Variants in MCRIP1 observed in about 807,000 individuals in gnomAD.
MCRIP1 encodes MAPK regulated corepressor interacting protein 1, also known as mapk-regulated corepressor-interacting protein 1.
MCRIP1 carries 10 observed loss-of-function variants against 14.4 expected under a neutral mutation model. That is an observed-to-expected ratio of 0.70 (90% CI 0.43 to 1.18). MCRIP1 has a LOEUF of 1.18. Among genes scored for constraint, MCRIP1 ranks in the 50% most tolerant of loss-of-function variants. MCRIP1 has a pLI of 0.00. For missense variants in MCRIP1, 119 were observed against 135.4 expected (o/e 0.88, Z 0.60); for synonymous variants, 53 against 55.7 (o/e 0.95, Z 0.21).
intron 1 of MCRIP1, chr17:81,826,255 A>G (rs900348427): frequency 1.3e-6 from 2 of 1,530,754 alleles, no homozygotes; most frequent in Admixed American, 3.9e-5. Context: ...ACACCTGCCC[A>G]CACATACCTA....
At chr17:81,826,744 G>A (rs1485421750) in intron 1 of MCRIP1, 5 of 229,002 alleles carry the variant, frequency 2.2e-5, no homozygotes, top group Admixed American at 5.1e-5. Flanking sequence ...GCTTGAACCC[G>A]GGAGGTGGAG....
Position 81,824,800 on chromosome 17 carries a change from C to A in MCRIP1, c.-48-246G>T. On this transcript the variant is annotated intron_variant, in intron 1 of 4. Coordinates refer to ENST00000455127, the MANE Select transcript of MCRIP1 (RefSeq NM_207368.5). ...AGACACACACACAACTTGAAGCGAT[C>A]AAGCCCGCTCAGCGGCCTTGATCCT... 4 of 1,386,832 alleles carry A rather than the reference C, an allele frequency of 2.9e-6. No homozygotes were observed. The South Asian group carries it at 6.8e-5, about 24-fold the overall frequency. 85.9% of individuals were successfully genotyped at this position (1,386,832 alleles called of 1,614,324 possible). A position where few individuals can be genotyped will look rare whatever the true frequency, so the allele number is the denominator to read the frequency against.
In MCRIP1 at chr17:81,824,487, C is replaced by A. The variant is rs1168533954; in HGVS notation, c.8+12G>T. The A allele has an allele frequency of 6.5e-7, 1 of 1,536,098 alleles. No individual in the cohort carries two copies. The highest frequency in any genetic ancestry group is 1.4e-5 in the African/African-American group (1 of 73,034). ...GCCCCGGTGGAGACCAGCCCACCTG[C>A]CTGAGACCCACCTGGTCATCGCGGG... On this transcript the variant is annotated intron_variant, in intron 2 of 4. Coordinates refer to ENST00000455127, the MANE Select transcript of MCRIP1 (RefSeq NM_207368.5).
chr17:81,825,453 T>C, intron 1 of MCRIP1: 1 of 1,194,540 alleles, frequency 8.4e-7, no homozygotes, highest in South Asian at 1.5e-5. Context: ...AGTCCCAGGA[T>C]TCCCAGGAGG....
rs553319339 is a variant in MCRIP1 at position 81,828,006 on chromosome 17, T to A, written c.-48-3452A>T. On this transcript the variant is annotated intron_variant, in intron 1 of 4. Transcript: ENST00000455127. ...TGTGTTAGTCAGGATGGTCTCGATC[T>A]CCTGACCTCGTGATCCATCTGCTTC... is the stretch of plus-strand genomic sequence containing the variant. 2.0e-5 allele frequency among the ~76,000 whole-genome samples: 3 copies of A among 152,098 alleles called. No individual in the cohort carries two copies. The South Asian group carries it at 6.2e-4, about 32-fold the overall frequency.
Position 81,823,471 on chromosome 17 carries a change from C to A in MCRIP1, c.170G>T (p.Gly57Val). 1 of 1,536,654 alleles carries A rather than the reference C, an allele frequency of 6.5e-7. No individual in the cohort carries two copies. The highest frequency in any genetic ancestry group is 8.7e-7 in the Non-Finnish European group (1 of 1,146,786). ...CTCCTCCACCAGGCCCCGCTCGCCA[C>A]CCGGCACCTGGCCTCGCAGGTCTCG... ...VERDLRGQVP[G>V]GERGLVEEYV... Residue 57 changes from glycine (G) to valine (V), a missense_variant, in exon 4 of 5, where the codon GGT (glycine) becomes GTT (valine). Physicochemically the swap from Gly to Val is moderately radical, Grantham distance 109. Transcript: ENST00000455127. The surrounding 1 kb of genome is among the most constrained non-coding windows in gnomAD (Gnocchi z 6.0).
rs1180289618 is a variant in MCRIP1 at position 81,822,758 on chromosome 17, G to A, written c.*489C>T. Reference sequence around the variant, plus strand: ...TGTGAGAAGCTCCCCAGCGTGTCCAGGCCACGGGAGCAGCAAGGGTCTGCG... The same window carrying A: ...TGTGAGAAGCTCCCCAGCGTGTCCAAGCCACGGGAGCAGCAAGGGTCTGCG... On this transcript the variant is annotated 3_prime_UTR_variant, in exon 5 of 5. Coordinates refer to ENST00000455127, the MANE Select transcript of MCRIP1 (RefSeq NM_207368.5). The A allele has an allele frequency of 5.2e-6, 1 of 191,758 alleles. No homozygotes were observed. Among genetic ancestry groups the A allele is most frequent in the Non-Finnish European group, 1.1e-5 (1 of 91,930 alleles). 11.9% of individuals were successfully genotyped at this position (191,758 alleles called of 1,614,324 possible).
At chr17:81,827,736 T>A (rs924488979) in intron 1 of MCRIP1, among the ~76,000 whole-genome samples, 4 of 151,132 alleles carry the variant, frequency 2.6e-5, no homozygotes, top group African/African-American at 9.7e-5. Context: ...TAAATAAATT[T>A]AAAACCCCAT....
intron 1 of MCRIP1, chr17:81,825,229 C>G (rs957800841): frequency 9.2e-7 from 1 of 1,086,658 alleles, no homozygotes; most frequent in African/African-American, 1.7e-5. Flanking sequence ...GACCAAGACC[C>G]TGGGCTGCCG....
In MCRIP1 at chr17:81,823,927, T is replaced by A. The variant is rs2038328055; in HGVS notation, c.127+360A>T. 1 of 512,960 alleles carries A rather than the reference T, an allele frequency of 1.9e-6. No individual in the cohort carries two copies. The highest frequency in any genetic ancestry group is 3.8e-5 in the Admixed American group (1 of 26,422). 31.8% of individuals were successfully genotyped at this position (512,960 alleles called of 1,614,324 possible). ...CTTCTGCAACACGCCCGTTCATGGC[T>A]GGATGCGTGCCTGTCTGTCTTCAAA... On this transcript the variant is annotated intron_variant, in intron 3 of 4. Transcript: ENST00000455127. The surrounding 1 kb of genome is among the most constrained non-coding windows in gnomAD (Gnocchi z 6.0).
Position 81,823,594 on chromosome 17 carries a change from C to T in MCRIP1, c.128-81G>A. Reference sequence around the variant, plus strand: ...ACGTCACGAGAGTGCCTGCCCTCAGCTCCTGCCCTCCCAGATCCTCTTCTC... The same window carrying T: ...ACGTCACGAGAGTGCCTGCCCTCAGTTCCTGCCCTCCCAGATCCTCTTCTC... On this transcript the variant is annotated intron_variant, in intron 3 of 4. Transcript: ENST00000455127. The surrounding 1 kb of genome is among the most constrained non-coding windows in gnomAD (Gnocchi z 6.0). 1 of 1,135,706 alleles carries T rather than the reference C, an allele frequency of 8.8e-7. No individual in the cohort carries two copies. Among genetic ancestry groups the T allele is most frequent in the Non-Finnish European group, 1.3e-6 (1 of 789,864 alleles). 70.4% of individuals were successfully genotyped at this position (1,135,706 alleles called of 1,614,324 possible). A position where few individuals can be genotyped will look rare whatever the true frequency, so the allele number is the denominator to read the frequency against.
At chr17:81,824,774 C>T in intron 1 of MCRIP1, 2 of 1,419,026 alleles carry the variant, frequency 1.4e-6, no homozygotes, top group African/African-American at 1.4e-5. Flanking sequence ...CCAGACGAGC[C>T]AGACACACAC....
In MCRIP1 at chr17:81,824,338, T is replaced by C. The variant is rs753411041; in HGVS notation, c.76A>G (p.Ser26Gly). The stretch of plus-strand genomic sequence containing the variant: ...TCGTGGGCTGGGGTGAAGATCTCGC[T>C]GCTGCTGGGTGGGGAGCGGGGGCTG... ...TSSPRSPPSS[S>G]EIFTPAHEEN... The change falls in exon 3 of 5, where the codon AGC (serine) becomes GGC (glycine). Residue 26 changes from serine to glycine, a missense_variant. Physicochemically the swap from Ser to Gly is moderately conservative, Grantham distance 56 (BLOSUM62 0). Transcript: ENST00000455127. The C allele has an allele frequency of 2.1e-5, 32 of 1,535,552 alleles. No homozygotes were observed. Among genetic ancestry groups the C allele is most frequent in the African/African-American group, 5.5e-5 (4 of 72,864 alleles).
At chr17:81,832,050 C>T (rs772695440) in intron 1 of MCRIP1, among the ~76,000 whole-genome samples, 2 of 152,186 alleles carry the variant, frequency 1.3e-5, no homozygotes, top group African/African-American at 2.4e-5. Flanking sequence ...AAGAACAGGC[C>T]ATGAGGTAAC....
rs2038312812 is a variant in MCRIP1, at chr17:81,823,348, C to T, written c.230-37G>A. 2 of 1,536,540 alleles carry T rather than the reference C, an allele frequency of 1.3e-6. No homozygotes were observed. Among genetic ancestry groups the T allele is most frequent in the Non-Finnish European group, 8.7e-7 (1 of 1,146,534 alleles). ...CAACGCGGTAGGTGGTGGGCACAGG[C>T]CCCTCCTGCCCATGAGGCCCGGCCT... On this transcript the variant is annotated intron_variant, in intron 4 of 4. Transcript: ENST00000455127. This position sits in a 1 kb window ranked among gnomAD's most constrained non-coding sequence, Gnocchi z 6.0.
chr17:81,825,642 C>G (rs935962427), intron 1 of MCRIP1: 2 of 1,289,410 alleles, frequency 1.6e-6, no homozygotes, highest in East Asian at 1.1e-4. Flanking sequence ...AAGAATCCCA[C>G]GGCTCAAGGG....
chr17:81,829,944 C>T, intron 1 of MCRIP1, among the ~76,000 whole-genome samples: 1 of 152,230 alleles, frequency 6.6e-6, no homozygotes, highest in East Asian at 1.9e-4. Context: ...CTGTCCAGTC[C>T]CAACTTGTTT....
Position 81,823,909 on chromosome 17 carries a change from A to C in MCRIP1, c.127+378T>G. 1 of 514,506 alleles carries C rather than the reference A, an allele frequency of 1.9e-6. No individual in the cohort carries two copies. Among genetic ancestry groups the C allele is most frequent in the Admixed American group, 3.8e-5 (1 of 26,612 alleles). 31.9% of individuals were successfully genotyped at this position (514,506 alleles called of 1,614,324 possible). ...ACAACCACCTCCCGGCCACTTCTGC[A>C]ACACGCCCGTTCATGGCTGGATGCG... On this transcript the variant is annotated intron_variant, in intron 3 of 4. Transcript: ENST00000455127. This position sits in a 1 kb window ranked among gnomAD's most constrained non-coding sequence, Gnocchi z 6.0.
chr17:81,827,771 C>T (rs948820098), intron 1 of MCRIP1, among the ~76,000 whole-genome samples: 2 of 146,502 alleles, frequency 1.4e-5, no homozygotes, highest in Admixed American at 6.9e-5. Flanking sequence ...ATTGTGCACC[C>T]ATACATTTTT....
Sources: gnomAD v4.1 joint callset for allele counts (sites outside exome capture counted in the v4.1 genomes callset) on GRCh38, gnomAD v4.1.1 for gene constraint, Gnocchi (gnomAD v3.1) non-coding constraint, MANE v1.5 for transcripts, NCBI Gene and HGNC (gene_info 2026-07-23, HGNC 2026-07-21) for gene names.